PRKCE: variants seen among roughly 807,000 people sequenced by gnomAD.
The protein encoded by PRKCE is protein kinase C epsilon.
A neutral mutation model predicts 85.4 loss-of-function variants in PRKCE; 16 were observed. That is an observed-to-expected ratio of 0.19 (90% CI 0.13 to 0.28). The LOEUF (loss-of-function observed/expected upper bound fraction) is 0.28, where lower values mean the gene tolerates loss of function less well. Ranked by LOEUF, PRKCE falls within the 10% of genes least tolerant of loss-of-function variation. The pLI is 1.00. For synonymous variants in PRKCE, 388 were observed against 371.5 expected (o/e 1.04, Z -0.51); for missense variants, 573 against 975.2 (o/e 0.59, Z 5.49).
rs542500575 is a variant in PRKCE, at chr2:45,705,709, G to C, written c.348+53261G>C. On this transcript the variant is annotated intron_variant, in intron 1 of 14. Transcript: ENST00000306156. ...TTATTCTTCTCAGCTGAATATCCCT[G>C]AGTGTCCTTTGACATGATGGTGGTA... Among the ~76,000 whole-genome samples, 31 of 152,336 alleles carry C rather than the reference G, an allele frequency of 2.0e-4. No individual in the cohort carries two copies. The South Asian group carries it at 6.4e-3, about 32-fold the overall frequency.
At chr2:45,946,902 T>C (rs1370898107) in intron 2 of PRKCE, among the ~76,000 whole-genome samples, 1 of 152,244 alleles carries the variant, frequency 6.6e-6, no homozygotes, top group African/African-American at 2.4e-5. Context: ...TTGGGTGGGC[T>C]TGCCACAGCC....
intron 11 of PRKCE, among the ~76,000 whole-genome samples, chr2:46,125,412 T>TAA (rs1388716841): frequency 1.3e-5 from 2 of 152,204 alleles, no homozygotes; most frequent in African/African-American, 4.8e-5. Context: ...GGATTTAAAA[T>TAA]AAAAGTTTGA....
intron 1 of PRKCE, among the ~76,000 whole-genome samples, chr2:45,668,943 A>G (rs1676034703): frequency 6.6e-6 from 1 of 152,078 alleles, no homozygotes; most frequent in Non-Finnish European, 1.5e-5. Context: ...CTAGAATGGG[A>G]CTCAGACCTT....
chr2:45,821,710 A>G (rs549160446), intron 1 of PRKCE, among the ~76,000 whole-genome samples: 3 of 152,248 alleles, frequency 2.0e-5, no homozygotes, highest in African/African-American at 4.8e-5. Context: ...ATAAGGTATG[A>G]TTGGAATGCA....
intron 10 of PRKCE, 108 bp downstream of exon 10, chr2:46,010,625 G>A (rs1705585716): frequency 6.3e-7 from 1 of 1,599,188 alleles, no homozygotes; most frequent in Non-Finnish European, 8.5e-7. Context: ...TTTGTAAAGT[G>A]GGATGGGTTT....
intron 10 of PRKCE, among the ~76,000 whole-genome samples, chr2:46,062,382 C>A (rs1667226371): frequency 6.6e-6 from 1 of 152,122 alleles, no homozygotes; most frequent in Non-Finnish European, 1.5e-5. Context: ...ATATGTCCTA[C>A]TCAAATTAGT....
At chr2:46,073,571 GCA>G (rs1291061352) in intron 10 of PRKCE, 5 of 152,160 alleles carry the variant, frequency 3.3e-5, no homozygotes, top group Admixed American at 3.3e-4. Context: ...TCAGTGTAGT[GCA>G]CAGTGTCTGA....
At chr2:45,714,955 G>A (rs1441999622) in intron 1 of PRKCE, among the ~76,000 whole-genome samples, 12 of 152,196 alleles carry the variant, frequency 7.9e-5, no homozygotes, top group Admixed American at 7.9e-4. Context: ...ACCACAAGGT[G>A]TTTCACCTCT....
chr2:46,030,279 A>G (rs921640798), intron 10 of PRKCE, among the ~76,000 whole-genome samples: 2 of 152,130 alleles, frequency 1.3e-5, no homozygotes, highest in African/African-American at 4.8e-5. Flanking sequence ...AAACAAGCTT[A>G]TTTTCTCATC....
At chr2:45,930,927 T>C (rs1306263948) in intron 2 of PRKCE, among the ~76,000 whole-genome samples, 1 of 152,128 alleles carries the variant, frequency 6.6e-6, no homozygotes, top group African/African-American at 2.4e-5. Flanking sequence ...ATGCCGGGTT[T>C]AGGAGAAGGC....
intron 2 of PRKCE, among the ~76,000 whole-genome samples, chr2:45,973,397 C>G (rs1399071424): frequency 1.3e-5 from 2 of 152,228 alleles, no homozygotes; most frequent in Non-Finnish European, 2.9e-5. Flanking sequence ...TGTAGCTTTG[C>G]ACACAAGCCT....
intron 1 of PRKCE, among the ~76,000 whole-genome samples, chr2:45,827,431 A>G (rs1170358281): frequency 6.6e-6 from 1 of 152,084 alleles, no homozygotes. Flanking sequence ...TGTGGTTCAG[A>G]TCGTGGTGTG....
rs531479485 is a variant in PRKCE, at chr2:46,138,515, G to A, written c.1593-6578G>A. ...ATTCCCATCTCCTAGGAATAAAATG[G>A]CAGAGGATGTACCAGGCGAATGCAC... On this transcript the variant is annotated intron_variant, in intron 11 of 14. Coordinates refer to ENST00000306156, the MANE Select transcript of PRKCE (RefSeq NM_005400.3). This position sits in a 1 kb window ranked among gnomAD's most constrained non-coding sequence, Gnocchi z 4.2. Among the ~76,000 whole-genome samples, 19 of 152,284 alleles carry A rather than the reference G, an allele frequency of 1.2e-4. No individual in the cohort carries two copies. In the East Asian group the frequency reaches 3.5e-3, roughly 28 times the overall value.
intron 1 of PRKCE, among the ~76,000 whole-genome samples, chr2:45,801,362 G>C (rs1313366672): frequency 2.7e-5 from 4 of 148,950 alleles, no homozygotes; most frequent in African/African-American, 5.1e-5. Context: ...GAAGGCCAGA[G>C]GAGGGAATCC....
At chr2:46,090,248 G>T (rs1048977281) in intron 11 of PRKCE, among the ~76,000 whole-genome samples, 1 of 152,128 alleles carries the variant, frequency 6.6e-6, no homozygotes, top group Non-Finnish European at 1.5e-5. Context: ...TTTAAAAAAA[G>T]TGTTCTCTAG....
At chr2:45,931,461 G>C (rs1573923302) in intron 2 of PRKCE, among the ~76,000 whole-genome samples, 1 of 152,308 alleles carries the variant, frequency 6.6e-6, no homozygotes, top group South Asian at 2.1e-4. Context: ...GGTGTCATCA[G>C]TTCATTGACC....
chr2:45,923,158 TGCTGAGTGGAGA>T (rs1211647632), intron 2 of PRKCE, among the ~76,000 whole-genome samples: 2 of 152,208 alleles, frequency 1.3e-5, no homozygotes, highest in African/African-American at 4.8e-5. Flanking sequence ...GAGTAGGCCT[TGCTGAGTGGAGA>T]GCATTTCAGA....
chr2:45,993,521 A>T (rs1703975883), intron 6 of PRKCE, among the ~76,000 whole-genome samples: 1 of 152,200 alleles, frequency 6.6e-6, no homozygotes, highest in Non-Finnish European at 1.5e-5. Context: ...CCAAAAAAAG[A>T]TACCCCCTTT....
intron 1 of PRKCE, among the ~76,000 whole-genome samples, chr2:45,681,920 C>T (rs1042403572): frequency 6.6e-6 from 1 of 152,180 alleles, no homozygotes; most frequent in East Asian, 1.9e-4. Flanking sequence ...GTAACCTTTG[C>T]ATGCATTTGT....
Sources: gnomAD v4.1 joint callset for allele counts (sites outside exome capture counted in the v4.1 genomes callset) on GRCh38, gnomAD v4.1.1 for gene constraint, Gnocchi (gnomAD v3.1) non-coding constraint, MANE v1.5 for transcripts, NCBI Gene and HGNC (gene_info 2026-07-23, HGNC 2026-07-21) for gene names.